The following JMY variants were observed in gnomAD, a reference collection of about 807,000 sequenced individuals.
The protein encoded by JMY is junction mediating and regulatory protein, p53 cofactor, also known as junction-mediating and -regulatory protein.
In JMY, 46 loss-of-function variants were observed where a neutral mutation model predicts 103.3. The ratio of observed to expected loss-of-function variants is 0.45; its 90% CI spans 0.35 to 0.57. The LOEUF is 0.57. Among genes scored for constraint, JMY ranks in the 20% least tolerant of loss-of-function variants. The pLI is 0.00. For synonymous variants in JMY, 526 were observed against 489.3 expected, an observed-to-expected ratio of 1.07 and a Z score of -0.99; for missense variants, 1,238 against 1,255.2, an observed-to-expected ratio of 0.99 and a Z score of 0.21.
intron 7 of JMY, among the ~76,000 whole-genome samples, chr5:79,311,504 G>A (rs1419588866): frequency 6.6e-6 from 1 of 152,130 alleles, no homozygotes; most frequent in African/African-American, 2.4e-5. Flanking sequence ...GGAAGAGAGG[G>A]TAGTTAATTT....
Position 79,270,393 on chromosome 5 carries a change from T to A in JMY, c.1033-7517T>A, listed in dbSNP as rs1298512666. Among the ~76,000 whole-genome samples the A allele has an allele frequency of 2.4e-5, 3 of 127,042 alleles. 1 individual carries two copies. Among genetic ancestry groups the A allele is most frequent in the African/African-American group, 9.2e-5 (3 of 32,760 alleles). The allele number at this position is 127,042 out of a possible 152,430, so 83.3% of individuals were successfully genotyped here. A position where few individuals can be genotyped will look rare whatever the true frequency, so the allele number is the denominator to read the frequency against. On this transcript the variant is annotated intron_variant, in intron 1 of 10. Transcript: ENST00000396137. Reference sequence around the variant, plus strand: ...TATTTACATAAATATTTACATAAAATATATATTTACATAAATATTTAAAAT... The same window carrying A: ...TATTTACATAAATATTTACATAAAAAATATATTTACATAAATATTTAAAAT...
chr5:79,264,471 C>T (rs34927615), intron 1 of JMY, among the ~76,000 whole-genome samples: 16,444 of 151,676 alleles, frequency 0.11, 2,371 homozygotes, highest in African/African-American at 0.33. Context: ...TCAAGTGATC[C>T]TCCTACCTCA....
intron 4 of JMY, among the ~76,000 whole-genome samples, chr5:79,296,891 A>G (rs183228981): frequency 6.6e-6 from 1 of 152,360 alleles, no homozygotes; most frequent in African/African-American, 2.4e-5. Context: ...AGTACAGTCA[A>G]AATAGGTATA....
chr5:79,277,325 A>G (rs1187319879), intron 1 of JMY, among the ~76,000 whole-genome samples: 2 of 151,910 alleles, frequency 1.3e-5, no homozygotes, highest in African/African-American at 4.8e-5. Flanking sequence ...TCATTCTACT[A>G]GATAGCAGAA....
rs1293876560 is a variant in JMY, at chr5:79,323,552, A to C, written c.*1950A>C. The C allele has an allele frequency of 6.6e-6, 1 of 152,214 alleles. No individual in the cohort carries two copies. Among genetic ancestry groups the C allele is most frequent in the Non-Finnish European group, 1.5e-5 (1 of 68,032 alleles). The allele number at this position is 152,214 out of a possible 1,614,324, so 9.4% of individuals were successfully genotyped here. ...GCAAACCTTTACAAAATCATGTATC[A>C]ATTTTATGCTATCCAGTTTTTACGT... On this transcript the variant is annotated 3_prime_UTR_variant, in exon 11 of 11. Transcript: ENST00000396137.
At position 79,237,188 on chromosome 5, in the gene JMY, G is replaced by C. The variant is rs1172843310; in HGVS notation, c.538G>C (p.Val180Leu). ...GCCCAGAGAGGCCCAGGTGTCCTCT[G>C]TACGGATAGTGAGCGCCTCTGGGAC... is the stretch of plus-strand genomic sequence containing the variant. ...PAPREAQVSSVRIVSASGTVS... is the reference protein window; with the variant it reads ...PAPREAQVSSLRIVSASGTVS... Residue 180 changes from valine (V) to leucine (L), a missense_variant, in exon 1 of 11, where the codon GTA becomes CTA. Physicochemically the swap from Val to Leu is conservative, Grantham distance 32 (BLOSUM62 1). Coordinates refer to ENST00000396137, the MANE Select transcript of JMY (RefSeq NM_152405.5). 3 of 1,550,290 alleles carry C rather than the reference G, an allele frequency of 1.9e-6. No individual in the cohort carries two copies. The highest frequency in any genetic ancestry group is 2.4e-5 in the East Asian group (1 of 40,924).
intron 2 of JMY, among the ~76,000 whole-genome samples, chr5:79,287,560 A>G (rs997303505): frequency 5.3e-5 from 8 of 152,096 alleles, no homozygotes; most frequent in African/African-American, 1.9e-4. Context: ...GCAGGAGGAC[A>G]CTTGAGGCTG....
At chr5:79,288,858 A>G (rs1055927276) in intron 2 of JMY, among the ~76,000 whole-genome samples, 3 of 151,946 alleles carry the variant, frequency 2.0e-5, no homozygotes, top group Admixed American at 1.3e-4. Flanking sequence ...TGCGTGACTC[A>G]GCTCCCAAGC....
At chr5:79,308,464 A>G (rs963393781) in intron 7 of JMY, among the ~76,000 whole-genome samples, 7 of 152,200 alleles carry the variant, frequency 4.6e-5, no homozygotes, top group Admixed American at 2.0e-4. Context: ...TGTTTAAAAG[A>G]CTGTCCTTTC....
At position 79,325,258 on chromosome 5, in the gene JMY, A is replaced by AT. The variant is rs1302912802; in HGVS notation, c.*3658dup. The AT allele has an allele frequency of 6.6e-6, 1 of 152,174 alleles. No homozygotes were observed. The highest frequency in any genetic ancestry group is 1.5e-5 in the Non-Finnish European group (1 of 68,004). The allele number at this position is 152,174 out of a possible 1,614,324, so 9.4% of individuals were successfully genotyped here. A position where few individuals can be genotyped will look rare whatever the true frequency, so the allele number is the denominator to read the frequency against. ...CTTTTTTCAGCTTTATTATTGAAGT[A>AT]TTACAAACTTAACATCAGATACCAA... On this transcript the variant is annotated 3_prime_UTR_variant, in exon 11 of 11. Coordinates refer to ENST00000396137, the MANE Select transcript of JMY (RefSeq NM_152405.5).
At chr5:79,318,178 T>TC (rs201200725) in intron 10 of JMY, among the ~76,000 whole-genome samples, 3,049 of 151,122 alleles carry the variant, frequency 0.02, 47 homozygotes, top group Admixed American at 0.031. Context: ...TTTTTTCTTT[T>TC]TTTTTTTTGT....
At chr5:79,278,571 A>AC (rs1746014277) in intron 2 of JMY, among the ~76,000 whole-genome samples, 1 of 131,722 alleles carries the variant, frequency 7.6e-6, no homozygotes, top group African/African-American at 2.9e-5. Flanking sequence ...GGCAACACGG[A>AC]GAACCCGTCT....
At chr5:79,310,057 C>CTTTTTTTT (rs55994052) in intron 7 of JMY, among the ~76,000 whole-genome samples, 4 of 73,678 alleles carry the variant, frequency 5.4e-5, no homozygotes, top group African/African-American at 1.3e-4. Context: ...CTTTCTTTTC[C>CTTTTTTTT]TTTTTTTTTT....
At chr5:79,253,295 T>C (rs1211135930) in intron 1 of JMY, among the ~76,000 whole-genome samples, 1 of 151,942 alleles carries the variant, frequency 6.6e-6, no homozygotes, top group African/African-American at 2.4e-5. Context: ...GTTCATCATT[T>C]AATCTTTTTT....
intron 1 of JMY, among the ~76,000 whole-genome samples, chr5:79,243,850 C>A (rs941057165): frequency 1.3e-5 from 2 of 152,068 alleles, no homozygotes; most frequent in African/African-American, 4.8e-5. Context: ...TGGATATATG[C>A]TTCTAGTTTA....
chr5:79,309,629 A>G (rs1746986058), intron 7 of JMY, among the ~76,000 whole-genome samples: 1 of 152,156 alleles, frequency 6.6e-6, no homozygotes, highest in Non-Finnish European at 1.5e-5. Flanking sequence ...ATTTGTCTCC[A>G]TTACTCCTTA....
intron 4 of JMY, 23 bp downstream of exon 4, chr5:79,291,322 T>C (rs1288149829): frequency 2.0e-6 from 3 of 1,521,744 alleles, no homozygotes; most frequent in Non-Finnish European, 1.8e-6. Context: ...ATCAGAAATA[T>C]AAAATCAGAA....
At chr5:79,291,088 G>C (rs773469563) in intron 3 of JMY, 42 bp from the exon 4 acceptor site, 5 of 1,406,266 alleles carry the variant, frequency 3.6e-6, no homozygotes, top group Non-Finnish European at 9.6e-7. Flanking sequence ...TCAGTATTAA[G>C]TTGTTATTTG....
intron 1 of JMY, among the ~76,000 whole-genome samples, chr5:79,259,221 C>T (rs146025228): frequency 1.3e-5 from 2 of 152,268 alleles, no homozygotes; most frequent in East Asian, 1.9e-4. Context: ...TAGTTCATCT[C>T]TCCAGCTGGC....
Sources: allele counts gnomAD v4.1 joint callset (sites outside exome capture counted in the v4.1 genomes callset), GRCh38; gene constraint gnomAD v4.1.1; transcripts MANE v1.5; gene names NCBI Gene and HGNC (gene_info 2026-07-23, HGNC 2026-07-21).